Variants in RUFY1 observed in about 807,000 individuals in gnomAD.
RUFY1 encodes RUN and FYVE domain-containing protein 1.
Under a neutral mutation model 94.6 loss-of-function variants are expected in RUFY1, and 54 were observed. The ratio of observed to expected loss-of-function variants is 0.57; its 90% CI spans 0.46 to 0.72. The LOEUF (loss-of-function observed/expected upper bound fraction) is 0.72, where lower values mean the gene tolerates loss of function less well. Among genes scored for constraint, RUFY1 ranks in the 30% least tolerant of loss-of-function variants. The pLI is 0.00. For synonymous variants in RUFY1, 396 were observed against 347.3 expected, an observed-to-expected ratio of 1.14 and a Z score of -1.56; for missense variants, 883 against 883.9, an observed-to-expected ratio of 1.00 and a Z score of 0.01.
rs56252946 is a variant in RUFY1 at position 179,589,620 on chromosome 5, T to C, written c.1101T>C (p.Ile367=). The C allele has an allele frequency of 2.0e-3, 3,225 of 1,613,904 alleles. 43 individuals carry two copies. In the African/African-American group the frequency reaches 0.03, roughly 15 times the overall value. Residue 367 remains isoleucine (I), a synonymous_variant, in exon 9 of 18, where the codon ATT becomes ATC. Coordinates refer to ENST00000319449, the MANE Select transcript of RUFY1 (RefSeq NM_025158.5). ...QQQLREQNEL[I]RERSEKSVEI... ...AGTTAAGAGAACAAAATGAATTAAT[T>C]CGAGAAAGAAGTGAAAAGAGTGTAG...
At chr5:179,607,393 A>G in intron 16 of RUFY1, 189 bp from the exon 17 acceptor site, 2 of 601,776 alleles carry the variant, frequency 3.3e-6, no homozygotes, top group Non-Finnish European at 5.9e-6. Context: ...AGGATGCAGA[A>G]ATCCCGGCTG....
intron 13 of RUFY1, 197 bp from the exon 14 acceptor site, chr5:179,598,495 G>A (rs543465942): frequency 3.8e-5 from 24 of 633,726 alleles, no homozygotes; most frequent in Middle Eastern, 4.0e-4. Flanking sequence ...TGTGCCTGCA[G>A]GCTTTTCTCT....
intron 2 of RUFY1, 59 bp downstream of exon 2, chr5:179,560,257 T>G (rs1373334135): frequency 1.3e-6 from 2 of 1,571,392 alleles, no homozygotes; most frequent in Non-Finnish European, 1.7e-6. Flanking sequence ...TGCTCAGCAT[T>G]TTTTCATCAG....
At chr5:179,559,730 C>T in intron 1 of RUFY1, 4 of 1,095,220 alleles carry the variant, frequency 3.7e-6, no homozygotes, top group Non-Finnish European at 4.4e-6. Flanking sequence ...CCAAACGCGG[C>T]GAGTCTTGCT....
chr5:179,560,748 AAAG>A (rs1390458657), intron 2 of RUFY1, among the ~76,000 whole-genome samples: 2 of 151,636 alleles, frequency 1.3e-5, no homozygotes, highest in South Asian at 2.1e-4. Flanking sequence ...AAAAAAGAAA[AAAG>A]AAAAAAAAGT....
intron 3 of RUFY1, among the ~76,000 whole-genome samples, chr5:179,565,519 CA>C (rs1041655870): frequency 1.1e-4 from 17 of 151,810 alleles, no homozygotes; most frequent in Non-Finnish European, 2.1e-4. Context: ...ATTGCCCATT[CA>C]AAAAAAATTC....
intron 1 of RUFY1, 140 bp from the exon 2 acceptor site, chr5:179,559,885 C>T: frequency 2.1e-6 from 3 of 1,428,294 alleles, no homozygotes; most frequent in South Asian, 1.5e-5. Context: ...CTGCGAATCC[C>T]GGTTGCCCGC....
chr5:179,568,736 G>GCA (rs1262864767), intron 4 of RUFY1, among the ~76,000 whole-genome samples: 1 of 151,852 alleles, frequency 6.6e-6, no homozygotes, highest in African/African-American at 2.4e-5. Flanking sequence ...AGTCTTATAC[G>GCA]CACACACACA....
At position 179,589,581 on chromosome 5, in the gene RUFY1, A is replaced by G; in HGVS notation, c.1062A>G (p.Gln354=). ...CAACAGACCGAATTTGCTCACTTCA[A>G]GAAGAACAGCAGCAGTTAAGAGAAC... The part of the protein sequence containing the change: ...SAATDRICSL[Q]EEQQQLREQN... Residue 354 remains glutamine, a synonymous_variant, in exon 9 of 18, where the codon CAA becomes CAG. Transcript: ENST00000319449. 6.2e-7 allele frequency: 1 copy of G among 1,614,182 alleles called. No individual in the cohort carries two copies. The highest frequency in any genetic ancestry group is 8.5e-7 in the Non-Finnish European group (1 of 1,180,010).
intron 5 of RUFY1, among the ~76,000 whole-genome samples, chr5:179,569,980 G>A (rs1032404677): frequency 1.3e-5 from 2 of 152,026 alleles, no homozygotes; most frequent in African/African-American, 2.4e-5. Flanking sequence ...TCCTGACCTC[G>A]TGATCCGCCC....
rs901665604 is a variant in RUFY1, at chr5:179,559,913, C to T, written c.311-112C>T. 10 of 1,473,042 alleles carry T rather than the reference C, an allele frequency of 6.8e-6. No individual in the cohort carries two copies. The African/African-American group carries it at 1.3e-4, about 19-fold the overall frequency. 91.2% of individuals were successfully genotyped at this position (1,473,042 alleles called of 1,614,324 possible). A position where few individuals can be genotyped will look rare whatever the true frequency, so the allele number is the denominator to read the frequency against. On this transcript the variant is annotated intron_variant, in intron 1 of 17. Coordinates refer to ENST00000319449, the MANE Select transcript of RUFY1 (RefSeq NM_025158.5). ...TTGCCCGCCCGCCAGCACGTCCGTT[C>T]CCTAAGCAGACCGCCTGGCCTCCTG...
intron 10 of RUFY1, among the ~76,000 whole-genome samples, 170 bp downstream of exon 10, chr5:179,591,911 C>G (rs537417973): frequency 6.6e-6 from 1 of 152,156 alleles, no homozygotes; most frequent in Non-Finnish European, 1.5e-5. Flanking sequence ...TGCATTGTCA[C>G]TCATATTTTT....
chr5:179,550,869 G>A lies in RUFY1; in HGVS notation c.300G>A (p.Thr100=), dbSNP rs1761800292. The part of the protein sequence containing the change: ...GLGGGDSGDG[T]ARAASKCQMM... ...GCGGCGGGGACAGCGGGGACGGCAC[G>A]GCGCGCGCAGGTAGGCTCGGGCCGG... Residue 100 remains threonine, a synonymous_variant, in exon 1 of 18, where the codon ACG becomes ACA. Coordinates refer to ENST00000319449, the MANE Select transcript of RUFY1 (RefSeq NM_025158.5). 2 of 1,173,806 alleles carry A rather than the reference G, an allele frequency of 1.7e-6. No homozygotes were observed. The highest frequency in any genetic ancestry group is 8.0e-5 in the East Asian group (2 of 25,062). The allele number at this position is 1,173,806 out of a possible 1,614,324, so 72.7% of individuals were successfully genotyped here. A position where few individuals can be genotyped will look rare whatever the true frequency, so the allele number is the denominator to read the frequency against.
chr5:179,552,158 CTG>C (rs1389106397), intron 1 of RUFY1, among the ~76,000 whole-genome samples: 1 of 39,058 alleles, frequency 2.6e-5, no homozygotes, highest in Non-Finnish European at 4.4e-5. Context: ...GAGCGAGACT[CTG>C]TCTCAAAAAA....
At chr5:179,573,134 A>T (rs1763345330) in intron 5 of RUFY1, among the ~76,000 whole-genome samples, 1 of 152,150 alleles carries the variant, frequency 6.6e-6, no homozygotes, top group Non-Finnish European at 1.5e-5. Context: ...TGCCAGTGAC[A>T]CATTCTTTTA....
intron 5 of RUFY1, among the ~76,000 whole-genome samples, chr5:179,573,978 C>T (rs1043277064): frequency 2.0e-5 from 3 of 152,100 alleles, no homozygotes; most frequent in African/African-American, 4.8e-5. Context: ...ATAATCCCTA[C>T]CTGATCATTG....
chr5:179,580,601 C>T lies in RUFY1; in HGVS notation c.891-346C>T, dbSNP rs11950669. 5.1e-3 allele frequency among the ~76,000 whole-genome samples: 769 copies of T among 151,292 alleles called. 11 individuals are homozygous for T. The highest frequency in any genetic ancestry group is 0.018 in the African/African-American group (739 of 41,178). ...GCCTAGACTTTAGACTGATGAGCTT[C>T]GTGTTTTGAAAAGTCCCGTGCGCTC... On this transcript the variant is annotated intron_variant, in intron 6 of 17. Transcript: ENST00000319449.
intron 9 of RUFY1, 67 bp downstream of exon 9, chr5:179,589,714 C>T (rs1764885045): frequency 4.9e-6 from 6 of 1,216,956 alleles, no homozygotes; most frequent in Non-Finnish European, 7.3e-6. Flanking sequence ...CAATCTCAAG[C>T]TCATGGCTTA....
At chr5:179,609,084 T>G (rs377069675) in intron 17 of RUFY1, among the ~76,000 whole-genome samples, 12 of 149,750 alleles carry the variant, frequency 8.0e-5, no homozygotes, top group African/African-American at 3.0e-4. Flanking sequence ...CCAGGTATAG[T>G]GGCGGGCACC....
Sources: allele counts gnomAD v4.1 joint callset (sites outside exome capture counted in the v4.1 genomes callset), GRCh38; gene constraint gnomAD v4.1.1; transcripts MANE v1.5; gene names NCBI Gene and HGNC (gene_info 2026-07-23, HGNC 2026-07-21).